The following MSANTD2 variants were observed in gnomAD, a reference collection of about 807,000 sequenced individuals.
MSANTD2 encodes the protein myb/SANT-like DNA-binding domain-containing protein 2.
Under a neutral mutation model 52.6 loss-of-function variants are expected in MSANTD2, and 19 were observed. The observed-to-expected ratio is 0.36, with a 90% CI of 0.25 to 0.53. The LOEUF is 0.53. Among genes scored for constraint, MSANTD2 ranks in the 20% least tolerant of loss-of-function variants. The probability of loss-of-function intolerance (pLI) is 0.91; values close to 1 mark genes in which losing one functional copy is unlikely to be tolerated. For missense variants in MSANTD2, 558 were observed against 716.3 expected (o/e 0.78, Z 2.52); for synonymous variants, 291 against 289.7 (o/e 1.00, Z -0.04).
chr11:124,791,417 G>C (rs1800278747), intron 1 of MSANTD2: 1 of 1,332,558 alleles, frequency 7.5e-7, no homozygotes, highest in African/African-American at 1.4e-5. Flanking sequence ...TCAGTGTACA[G>C]GGTGAGTGAG....
intron 1 of MSANTD2, among the ~76,000 whole-genome samples, chr11:124,777,204 C>T (rs941088090): frequency 2.0e-5 from 3 of 152,148 alleles, no homozygotes; most frequent in Admixed American, 6.6e-5. Flanking sequence ...CTCCAAGGAC[C>T]GTAAATGGAG....
intron 1 of MSANTD2, chr11:124,784,370 T>C: frequency 3.0e-6 from 3 of 984,872 alleles, no homozygotes; most frequent in Non-Finnish European, 3.6e-6. Context: ...TGCAAGAAAA[T>C]TATCTAAAAT....
At chr11:124,786,508 T>C (rs2135259068) in intron 1 of MSANTD2, among the ~76,000 whole-genome samples, 1 of 152,334 alleles carries the variant, frequency 6.6e-6, no homozygotes. Flanking sequence ...CAAAAAGTAA[T>C]TCTACATTGT....
At chr11:124,795,220 T>C (rs1430484891) in intron 1 of MSANTD2, among the ~76,000 whole-genome samples, 1 of 152,194 alleles carries the variant, frequency 6.6e-6, no homozygotes, top group Admixed American at 6.5e-5. Flanking sequence ...CGACCAGCAC[T>C]GATTCAGAAA....
chr11:124,794,990 C>G (rs967797904), intron 1 of MSANTD2, among the ~76,000 whole-genome samples: 2 of 152,124 alleles, frequency 1.3e-5, no homozygotes, highest in South Asian at 2.1e-4. Context: ...GCGATCCTCC[C>G]GCTTCAGCCT....
chr11:124,793,278 G>A (rs940334650), intron 1 of MSANTD2, among the ~76,000 whole-genome samples: 1 of 152,266 alleles, frequency 6.6e-6, no homozygotes, highest in African/African-American at 2.4e-5. Flanking sequence ...ATGATTTAAT[G>A]TGTATTTTTC....
intron 3 of MSANTD2, 105 bp from the exon 4 acceptor site, chr11:124,768,133 G>C: frequency 9.6e-7 from 1 of 1,043,864 alleles, no homozygotes; most frequent in Non-Finnish European, 1.4e-6. Flanking sequence ...GCCCAATATG[G>C]TGGCCACTAG....
chr11:124,791,589 G>A, intron 1 of MSANTD2: 1 of 1,442,776 alleles, frequency 6.9e-7, no homozygotes, highest in Non-Finnish European at 9.7e-7. Context: ...TCTCCGAGGA[G>A]TAAGCCCGCT....
intron 3 of MSANTD2, among the ~76,000 whole-genome samples, chr11:124,771,485 T>C (rs1200703635): frequency 6.6e-6 from 1 of 152,160 alleles, no homozygotes; most frequent in Non-Finnish European, 1.5e-5. Flanking sequence ...AAACAACTAA[T>C]GTGGCCGGAC....
intron 1 of MSANTD2, among the ~76,000 whole-genome samples, chr11:124,793,479 A>G (rs1242212967): frequency 1.3e-5 from 2 of 152,240 alleles, no homozygotes; most frequent in Non-Finnish European, 2.9e-5. Flanking sequence ...TACACAAGCA[A>G]AAAGTCTGAA....
intron 1 of MSANTD2, chr11:124,791,369 A>T: frequency 7.2e-6 from 10 of 1,382,356 alleles, no homozygotes; most frequent in Non-Finnish European, 9.3e-6. Context: ...AAGACAAACA[A>T]GGCATCATTA....
intron 1 of MSANTD2, chr11:124,791,444 A>C (rs1591473719): frequency 1.6e-6 from 2 of 1,231,868 alleles, no homozygotes; most frequent in Non-Finnish European, 2.4e-6. Flanking sequence ...AGACTTCCGG[A>C]CCCCTCCCCA....
chr11:124,774,848 C>T lies in MSANTD2; in HGVS notation c.637G>A (p.Val213Ile), dbSNP rs1591448267. ...TACAAGCCACTACTGTTAATAAGTACAGGCTGGCAGGGCTGAGCATCCCAT... is the reference window on the plus strand; with the variant it reads ...TACAAGCCACTACTGTTAATAAGTATAGGCTGGCAGGGCTGAGCATCCCAT... ...GGWDAQPCQPVLINSSGLYQE... is the reference protein window; with the variant it reads ...GGWDAQPCQPILINSSGLYQE... The change falls in exon 2 of 4, where the codon GTA becomes ATA. Residue 213 changes from valine (V) to isoleucine (I), a missense_variant. This residue lies in a region of MSANTD2 where 408 missense variants were observed against 573.6 expected (regional missense o/e 0.71). Coordinates refer to ENST00000374979, the MANE Select transcript of MSANTD2 (RefSeq NM_001308027.2). The surrounding 1 kb of genome is among the most constrained non-coding windows in gnomAD (Gnocchi z 5.1). The T allele has an allele frequency of 6.2e-7, 1 of 1,614,066 alleles. No individual in the cohort carries two copies. The highest frequency in any genetic ancestry group is 2.2e-5 in the East Asian group (1 of 44,882).
chr11:124,773,293 T>C (rs1367077623), intron 2 of MSANTD2: 1 of 321,862 alleles, frequency 3.1e-6, no homozygotes, highest in African/African-American at 2.2e-5. Context: ...AGGTCACCAG[T>C]GGATTTCTAG....
At chr11:124,798,462 T>C (rs1377662889) in intron 1 of MSANTD2, among the ~76,000 whole-genome samples, 1 of 152,198 alleles carries the variant, frequency 6.6e-6, no homozygotes, top group African/African-American at 2.4e-5. Flanking sequence ...TATTAGCTAC[T>C]ACTTTAATGT....
At chr11:124,786,149 G>A (rs1028762817) in intron 1 of MSANTD2, among the ~76,000 whole-genome samples, 2 of 141,414 alleles carry the variant, frequency 1.4e-5, no homozygotes, top group East Asian at 2.0e-4. Context: ...AGGCTGGAGT[G>A]CAGTGACTAT....
chr11:124,768,038 C>A lies in MSANTD2; in HGVS notation c.828-10G>T. The stretch of plus-strand genomic sequence containing the variant: ...CATGATGTCTCTCTTCCTGGAAAGA[C>A]AAATAAAAGTCAAATTCCCTAAGTA... On this transcript the variant is annotated splice_polypyrimidine_tract_variant and intron_variant, in intron 3 of 3. Coordinates refer to ENST00000374979, the MANE Select transcript of MSANTD2 (RefSeq NM_001308027.2). The A allele has an allele frequency of 6.3e-7, 1 of 1,588,392 alleles. No homozygotes were observed. The highest frequency in any genetic ancestry group is 8.6e-7 in the Non-Finnish European group (1 of 1,165,008).
In MSANTD2 at chr11:124,799,958, G is replaced by C. The variant is rs761845081; in HGVS notation, c.423C>G (p.Pro141=). The C allele has an allele frequency of 1.3e-5, 20 of 1,584,198 alleles. No individual in the cohort carries two copies. Among genetic ancestry groups the C allele is most frequent in the African/African-American group, 8.2e-5 (6 of 73,008 alleles). ...GAGTVFGSKA[P]GPAMYERVSR... ...ACACGCGCTCGTACATGGCTGGCCC[G>C]GGGGCCTTGCTGCCGAACACCGTGC... is the stretch of plus-strand genomic sequence containing the variant. Residue 141 remains proline, a synonymous_variant, in exon 1 of 4, where the codon CCC becomes CCG. Transcript: ENST00000374979.
Position 124,779,939 on chromosome 11 carries a change from C to T in MSANTD2, c.511-4965G>A, listed in dbSNP as rs1944894447. Among the ~76,000 whole-genome samples, 1 of 152,154 alleles carries T rather than the reference C, an allele frequency of 6.6e-6. No individual in the cohort carries two copies. The highest frequency in any genetic ancestry group is 1.5e-5 in the Non-Finnish European group (1 of 68,018). On this transcript the variant is annotated intron_variant, in intron 1 of 3. Transcript: ENST00000374979. This position sits in a 1 kb window ranked among gnomAD's most constrained non-coding sequence, Gnocchi z 4.6. ...AAATTGTTAAAAATGATACCTCAGA[C>T]TAAAGCAGATTTGTATTTTGAAGCA... is the stretch of plus-strand genomic sequence containing the variant.
Sources: allele counts gnomAD v4.1 joint callset (sites outside exome capture counted in the v4.1 genomes callset), GRCh38; gene constraint gnomAD v4.1.1; regional missense constraint gnomAD v4.1.1; non-coding constraint Gnocchi (gnomAD v3.1); transcripts MANE v1.5; gene names NCBI Gene and HGNC (gene_info 2026-07-23, HGNC 2026-07-21).